The following COL16A1 variants were observed in gnomAD, a reference collection of about 807,000 sequenced individuals.
COL16A1 encodes collagen alpha-1(XVI) chain.
In COL16A1, 189 loss-of-function variants were observed where a neutral mutation model predicts 266.3. That is an observed-to-expected ratio of 0.71 (90% CI 0.63 to 0.80). The LOEUF is 0.80. Among genes scored for constraint, COL16A1 ranks in the 30% least tolerant of loss-of-function variants. The pLI is 0.00. For synonymous variants in COL16A1, 740 were observed against 782.3 expected (o/e 0.95, Z 0.90); for missense variants, 1,928 against 2,122.4 (o/e 0.91, Z 1.80).
Position 31,666,036 on chromosome 1 carries a change from C to T in COL16A1, c.3402+1G>A. 2 of 1,614,018 alleles carry T rather than the reference C, an allele frequency of 1.2e-6. No individual in the cohort carries two copies. Among genetic ancestry groups the T allele is most frequent in the Non-Finnish European group, 1.7e-6 (2 of 1,179,962 alleles). On this transcript the variant is annotated splice_donor_variant, in intron 53 of 70. Coordinates refer to ENST00000373672, the MANE Select transcript of COL16A1 (RefSeq NM_001856.4). LOFTEE classifies it high-confidence loss of function. ...ATCTCCCCATGCCCTCCTTCACTCA[C>T]CGCTGGGCCTGGGGGGCCTGGGAGG...
intron 2 of COL16A1, among the ~76,000 whole-genome samples, chr1:31,700,802 T>TGAGGGGACCACAAGCTC (rs1553174175): frequency 1.3e-5 from 2 of 152,326 alleles, no homozygotes; most frequent in Admixed American, 6.5e-5. Flanking sequence ...ACTGAGGGTC[T>TGAGGGGACCACAAGCTC]GAGGGGACCA....
Position 31,698,968 on chromosome 1 carries a change from G to A in COL16A1, c.267-362C>T, listed in dbSNP as rs1452074646. On this transcript the variant is annotated intron_variant, in intron 4 of 70. Transcript: ENST00000373672. The surrounding 1 kb of genome is among the most constrained non-coding windows in gnomAD (Gnocchi z 4.1). ...AAATTCGCCAGGTGTAGTGGCAGGC[G>A]CCTGTAATCCCAGCTACCCGGGAGG... Among the ~76,000 whole-genome samples the A allele has an allele frequency of 6.6e-6, 1 of 152,106 alleles. No individual in the cohort carries two copies. Among genetic ancestry groups the A allele is most frequent in the Non-Finnish European group, 1.5e-5 (1 of 68,024 alleles).
chr1:31,684,505 C>T lies in COL16A1; in HGVS notation c.2160+18G>A. The T allele has an allele frequency of 1.2e-6, 2 of 1,603,822 alleles. No individual in the cohort carries two copies. The highest frequency in any genetic ancestry group is 1.7e-6 in the Non-Finnish European group (2 of 1,175,232). ...TATGCAACAAACTCCCCGACCCCAA[C>T]CACCCCGCCTGACTAACCTTTTCTC... On this transcript the variant is annotated intron_variant, in intron 31 of 70. Transcript: ENST00000373672.
intron 4 of COL16A1, 46 bp downstream of exon 4, chr1:31,699,767 G>T: frequency 2.5e-6 from 3 of 1,224,330 alleles, no homozygotes; most frequent in Non-Finnish European, 3.6e-6. Context: ...TGAGGAGTGT[G>T]GCTGAGGTCA....
chr1:31,668,727 T>C lies in COL16A1; in HGVS notation c.3249+75A>G. 6.6e-7 allele frequency: 1 copy of C among 1,519,188 alleles called. No homozygotes were observed. Among genetic ancestry groups the C allele is most frequent in the African/African-American group, 1.4e-5 (1 of 73,106 alleles). The allele number at this position is 1,519,188 out of a possible 1,614,324, so 94.1% of individuals were successfully genotyped here. A position where few individuals can be genotyped will look rare whatever the true frequency, so the allele number is the denominator to read the frequency against. On this transcript the variant is annotated intron_variant, in intron 50 of 70. Coordinates refer to ENST00000373672, the MANE Select transcript of COL16A1 (RefSeq NM_001856.4). The surrounding 1 kb of genome is among the most constrained non-coding windows in gnomAD (Gnocchi z 5.8). ...CCAGCTTCCACTCAGCAGCCACCCT[T>C]CAGAGCTCAAGCTCTGCCTCCCCAG...
Position 31,685,673 on chromosome 1 carries a change from G to C in COL16A1, c.1982C>G (p.Pro661Arg). ...TGGCAAGCCAAAGCCTGGAGGCCCA[G>C]GTTCCCCCTTCTCTCCGGATGGGCC... is the stretch of plus-strand genomic sequence containing the variant. ...LPGPSGEKGEPGPPGFGLPGK... is the reference protein window; with the variant it reads ...LPGPSGEKGERGPPGFGLPGK... Residue 661 changes from proline (P) to arginine (R), a missense_variant, in exon 29 of 71, where the codon CCT becomes CGT. Around this residue, in one of 2 missense-constraint regions of COL16A1, gnomAD observed 1,552 missense variants for 1,637.2 expected, o/e 0.95. Coordinates refer to ENST00000373672, the MANE Select transcript of COL16A1 (RefSeq NM_001856.4). The surrounding 1 kb of genome is among the most constrained non-coding windows in gnomAD (Gnocchi z 4.0). 1 of 1,613,982 alleles carries C rather than the reference G, an allele frequency of 6.2e-7. No homozygotes were observed. Among genetic ancestry groups the C allele is most frequent in the Non-Finnish European group, 8.5e-7 (1 of 1,179,982 alleles).
At chr1:31,684,893 A>T (rs1387102494) in intron 29 of COL16A1, 37 bp from the exon 30 acceptor site, 1 of 1,612,176 alleles carries the variant, frequency 6.2e-7, no homozygotes, top group East Asian at 2.2e-5. Flanking sequence ...GCTCACTCAT[A>T]CCAGCCACCC....
At position 31,670,508 on chromosome 1, in the gene COL16A1, C is replaced by T. The variant is rs1470094228; in HGVS notation, c.3195+94G>A. 1.2e-5 allele frequency: 15 copies of T among 1,284,054 alleles called. No individual in the cohort carries two copies. Among genetic ancestry groups the T allele is most frequent in the African/African-American group, 1.6e-5 (1 of 64,032 alleles). The allele number at this position is 1,284,054 out of a possible 1,614,324, so 79.5% of individuals were successfully genotyped here. ...GAAGGGGGACAACAAACACGGAGGA[C>T]GGAGGTGAAGGCACGACAGGAGGGA... On this transcript the variant is annotated intron_variant, in intron 49 of 70. Coordinates refer to ENST00000373672, the MANE Select transcript of COL16A1 (RefSeq NM_001856.4). This position sits in a 1 kb window ranked among gnomAD's most constrained non-coding sequence, Gnocchi z 4.5.
At chr1:31,695,823 G>C (rs777330772) in intron 9 of COL16A1, 36 bp from the exon 10 acceptor site, 1 of 1,596,356 alleles carries the variant, frequency 6.3e-7, no homozygotes, top group South Asian at 1.1e-5. Flanking sequence ...AATGGGCAGG[G>C]AGCTCAGGGG....
chr1:31,693,116 G>A lies in COL16A1; in HGVS notation c.1047C>T (p.Gly349=). 1 of 1,612,024 alleles carries A rather than the reference G, an allele frequency of 6.2e-7. No individual in the cohort carries two copies. The highest frequency in any genetic ancestry group is 8.5e-7 in the Non-Finnish European group (1 of 1,178,280). Residue 349 remains glycine, a synonymous_variant, in exon 13 of 71, where the codon GGC becomes GGT. Transcript: ENST00000373672. ...KGERGLPGPP[G]SKGEKGARGN... ...CCCGTGCTCCCTTCTCTCCCTTGGA[G>A]CCTGGTGGACCAGGCAGGCCCCGCT...
Position 31,663,955 on chromosome 1 carries a change from G to T in COL16A1, c.3555+1217C>A, listed in dbSNP as rs913751639. On this transcript the variant is annotated intron_variant, in intron 56 of 70. Coordinates refer to ENST00000373672, the MANE Select transcript of COL16A1 (RefSeq NM_001856.4). The surrounding 1 kb of genome is among the most constrained non-coding windows in gnomAD (Gnocchi z 4.9). ...TAGGGTGGTCAAGGGAAGGAATCCCGCTAGAGAGACCCAGCAAAGGGGAAA... is the reference window on the plus strand; with the variant it reads ...TAGGGTGGTCAAGGGAAGGAATCCCTCTAGAGAGACCCAGCAAAGGGGAAA... 6.6e-6 allele frequency among the ~76,000 whole-genome samples: 1 copy of T among 152,146 alleles called. No individual in the cohort carries two copies. The highest frequency in any genetic ancestry group is 2.4e-5 in the African/African-American group (1 of 41,428).
At chr1:31,684,726 C>T in intron 30 of COL16A1, 95 bp downstream of exon 30, 2 of 1,609,514 alleles carry the variant, frequency 1.2e-6, no homozygotes, top group Non-Finnish European at 1.7e-6. Context: ...TTTGCCGGGG[C>T]TGAGGGTTGG....
chr1:31,665,457 G>A lies in COL16A1; in HGVS notation c.3492+126C>T, dbSNP rs1459465788. 3.2e-6 allele frequency: 5 copies of A among 1,557,798 alleles called. No individual in the cohort carries two copies. In the East Asian group the frequency reaches 6.9e-5, roughly 21 times the overall value. On this transcript the variant is annotated intron_variant, in intron 55 of 70. Transcript: ENST00000373672. Reference sequence around the variant, plus strand: ...TCCTGGAATCAGGCCTGGCCACCCAGGCCGTTCTCCCCTGCCTCTCCCCTC... The same window carrying A: ...TCCTGGAATCAGGCCTGGCCACCCAAGCCGTTCTCCCCTGCCTCTCCCCTC...
Position 31,655,485 on chromosome 1 carries a change from T to A in COL16A1, c.4119A>T (p.Ala1373=). 6.2e-7 allele frequency: 1 copy of A among 1,614,058 alleles called. No individual in the cohort carries two copies. The highest frequency in any genetic ancestry group is 2.2e-5 in the East Asian group (1 of 44,874). The change falls in exon 67 of 71, where the codon GCA becomes GCT. Residue 1373 remains alanine (A), a synonymous_variant. Coordinates refer to ENST00000373672, the MANE Select transcript of COL16A1 (RefSeq NM_001856.4). ...TCTCTCCTGCCTGGCCCTTCTGTCC[T>A]GCAGCTCCTGGATCACCCTACAAAG... ...PPGPKGDPGA[A]GQKGQAGEKG...
Position 31,700,767 on chromosome 1 carries a change from C to A in COL16A1, c.74-652G>T, listed in dbSNP as rs574912613. 9.8e-5 allele frequency among the ~76,000 whole-genome samples: 15 copies of A among 152,312 alleles called. No individual in the cohort carries two copies. In the South Asian group the frequency reaches 2.9e-3, roughly 29 times the overall value. On this transcript the variant is annotated intron_variant, in intron 2 of 70. Transcript: ENST00000373672. ...ACAGAATGAATATTTACCTGAATAA[C>A]CACCTTGTGAAACAGCGAGAAGAGA... is the stretch of plus-strand genomic sequence containing the variant.
rs535901987 is a variant in COL16A1 at position 31,681,060 on chromosome 1, T to A, written c.2546A>T (p.Asp849Val). The A allele has an allele frequency of 3.1e-6, 5 of 1,612,714 alleles. No homozygotes were observed. Among genetic ancestry groups the A allele is most frequent in the Middle Eastern group, 1.7e-4 (1 of 5,984 alleles). Reference sequence around the variant, plus strand: ...GAGTCCCGTCTGTCCTTGCTGCCCATCACGGCCCTGAAGAGAGAGAGCCCA... The same window carrying A: ...GAGTCCCGTCTGTCCTTGCTGCCCAACACGGCCCTGAAGAGAGAGAGCCCA... ...GASVSGPPGR[D>V]GQQGQTGLRG... Residue 849 changes from aspartate (D) to valine (V), a missense_variant, in exon 38 of 71, where the codon GAT becomes GTT. By Grantham distance (152) the Asp-to-Val change is radical. Around this residue, in one of 2 missense-constraint regions of COL16A1, gnomAD observed 1,552 missense variants for 1,637.2 expected, o/e 0.95. Coordinates refer to ENST00000373672, the MANE Select transcript of COL16A1 (RefSeq NM_001856.4).
In COL16A1 at chr1:31,679,944, G is replaced by C. The variant is rs1366666296; in HGVS notation, c.2671-93C>G. 8 of 1,564,744 alleles carry C rather than the reference G, an allele frequency of 5.1e-6. No individual in the cohort carries two copies. In the African/African-American group the frequency reaches 9.5e-5, roughly 19 times the overall value. ...CTGCGTGGGGAGGCGGCTGGCTGGG[G>C]TGCGTGGCCCTGCGGGGCCTTTGCA... On this transcript the variant is annotated intron_variant, in intron 40 of 70. Transcript: ENST00000373672.
At chr1:31,654,747 G>A (rs974438023) in intron 68 of COL16A1, 45 bp downstream of exon 68, 6 of 1,613,600 alleles carry the variant, frequency 3.7e-6, no homozygotes, top group Non-Finnish European at 5.1e-6. Context: ...AAGTCACAAG[G>A]AAGGGCAGAC....
At position 31,664,687 on chromosome 1, in the gene COL16A1, C is replaced by A. The variant is rs546617084; in HGVS notation, c.3555+485G>T. Among the ~76,000 whole-genome samples, 83 of 152,344 alleles carry A rather than the reference C, an allele frequency of 5.4e-4. No homozygotes were observed. The highest frequency in any genetic ancestry group is 1.9e-3 in the African/African-American group (78 of 41,582). On this transcript the variant is annotated intron_variant, in intron 56 of 70. Coordinates refer to ENST00000373672, the MANE Select transcript of COL16A1 (RefSeq NM_001856.4). The surrounding 1 kb of genome is among the most constrained non-coding windows in gnomAD (Gnocchi z 5.5). ...TCACCAGGCAGGACACGGGCCACCC[C>A]TGCCCTCTCTGGGCCCTTGGGGACA...
Sources: gnomAD v4.1 joint callset for allele counts (sites outside exome capture counted in the v4.1 genomes callset) on GRCh38, gnomAD v4.1.1 for gene constraint, gnomAD v4.1.1 regional missense constraint, Gnocchi (gnomAD v3.1) non-coding constraint, MANE v1.5 for transcripts, NCBI Gene and HGNC (gene_info 2026-07-23, HGNC 2026-07-21) for gene names.